HYOU1: variants seen among roughly 807,000 people sequenced by gnomAD.
HYOU1 encodes the protein hypoxia up-regulated 1.
A neutral mutation model predicts 120.5 loss-of-function variants in HYOU1; 40 were observed. The ratio of observed to expected loss-of-function variants is 0.33; its 90% CI spans 0.26 to 0.43. The LOEUF (loss-of-function observed/expected upper bound fraction) is 0.43. Ranked by LOEUF, HYOU1 falls within the 20% of genes least tolerant of loss-of-function variation. The pLI, the probability that HYOU1 is intolerant of heterozygous loss-of-function variation, is 1.00. For missense variants in HYOU1, 1,085 were observed against 1,278.3 expected, an observed-to-expected ratio of 0.85 and a Z score of 2.31; for synonymous variants, 501 against 479.4, an observed-to-expected ratio of 1.05 and a Z score of -0.59.
intron 22 of HYOU1, chr11:119,047,032 C>T: frequency 1.9e-6 from 1 of 538,958 alleles, no homozygotes. Flanking sequence ...TCTGGAGTGA[C>T]TACAACTGAA....
intron 16 of HYOU1, 48 bp from the exon 17 acceptor site, chr11:119,049,251 C>G (rs2133571110): frequency 1.3e-6 from 2 of 1,590,134 alleles, no homozygotes; most frequent in African/African-American, 1.3e-5. Flanking sequence ...AGCAGAGCCT[C>G]CAGGCAGGCC....
At chr11:119,054,415 C>A in intron 7 of HYOU1, 79 bp downstream of exon 7, 1 of 1,469,408 alleles carries the variant, frequency 6.8e-7, no homozygotes, top group South Asian at 1.2e-5. Flanking sequence ...CCATGCAAAC[C>A]AGATGCAAAA....
chr11:119,044,914 G>T lies in HYOU1; in HGVS notation c.*679C>A. 3.1e-6 allele frequency: 1 copy of T among 322,650 alleles called. No homozygotes were observed. The highest frequency in any genetic ancestry group is 3.5e-5 in the Admixed American group (1 of 28,190). 20.0% of individuals were successfully genotyped at this position (322,650 alleles called of 1,614,324 possible). On this transcript the variant is annotated 3_prime_UTR_variant, in exon 26 of 26. Coordinates refer to ENST00000617285, the MANE Select transcript of HYOU1 (RefSeq NM_006389.5). ...CCCCTCCCTCCTCTGGCCACTAGGG[G>T]TGGGAAATACGAGTGAGAATCCTTC...
At chr11:119,046,239 T>C (rs967305315) in intron 24 of HYOU1, among the ~76,000 whole-genome samples, 178 bp downstream of exon 24, 1 of 151,790 alleles carries the variant, frequency 6.6e-6, no homozygotes, top group Non-Finnish European at 1.5e-5. Context: ...CTGCTGGGAT[T>C]ACAGGCGTGA....
intron 7 of HYOU1, 94 bp from the exon 8 acceptor site, chr11:119,054,330 C>A (rs1356958336): frequency 1.6e-6 from 2 of 1,239,932 alleles, no homozygotes; most frequent in African/African-American, 1.5e-5. Flanking sequence ...CTGTCTGACT[C>A]TTAACACAAA....
At position 119,044,194 on chromosome 11, in the gene HYOU1, AAAG is replaced by A. The variant is rs1943945638; in HGVS notation, c.*1396_*1398del. On this transcript the variant is annotated 3_prime_UTR_variant, in exon 26 of 26. Coordinates refer to ENST00000617285, the MANE Select transcript of HYOU1 (RefSeq NM_006389.5). Reference sequence around the variant, plus strand: ...AAACTCACAGCACAAAAACTGTAGAAAAGAATATTTTATTGAAACAGTTTCTCA... The same window carrying A: ...AAACTCACAGCACAAAAACTGTAGAAAATATTTTATTGAAACAGTTTCTCA... 6.6e-6 allele frequency: 1 copy of A among 152,358 alleles called. No individual in the cohort carries two copies. Among genetic ancestry groups the A allele is most frequent in the Non-Finnish European group, 1.5e-5 (1 of 67,948 alleles). The allele number at this position is 152,358 out of a possible 1,614,324, so 9.4% of individuals were successfully genotyped here. A position where few individuals can be genotyped will look rare whatever the true frequency, so the allele number is the denominator to read the frequency against.
rs1018069294 is a variant in HYOU1 at position 119,046,485 on chromosome 11, G to T, written c.2837-18C>A. The T allele has an allele frequency of 1.2e-5, 19 of 1,614,046 alleles. No homozygotes were observed. Among genetic ancestry groups the T allele is most frequent in the African/African-American group, 2.7e-5 (2 of 74,912 alleles). On this transcript the variant is annotated intron_variant, in intron 23 of 25. Coordinates refer to ENST00000617285, the MANE Select transcript of HYOU1 (RefSeq NM_006389.5). ...AGTCTGGCCTAGAAGGAAACCAGGG[G>T]TAAGACATAGCCTCAGGAAGGAAAG...
rs1338221719 is a variant in HYOU1, at chr11:119,048,697, C to T, written c.2165+17G>A. The T allele has an allele frequency of 1.2e-6, 2 of 1,606,114 alleles. No homozygotes were observed. The highest frequency in any genetic ancestry group is 2.2e-5 in the East Asian group (1 of 44,832). ...TGCACACACATGTACACACACACAC[C>T]AGCTGTCCTCACTTACTTCTGCACC... On this transcript the variant is annotated intron_variant, in intron 18 of 25. Transcript: ENST00000617285. This position sits in a 1 kb window ranked among gnomAD's most constrained non-coding sequence, Gnocchi z 4.7.
chr11:119,047,383 C>T (rs1944149200), intron 22 of HYOU1: 3 of 274,966 alleles, frequency 1.1e-5, no homozygotes, highest in East Asian at 9.8e-5. Context: ...TTACTGAGCT[C>T]TGGCTCAAGA....
Position 119,051,285 on chromosome 11 carries a change from CAA to C in HYOU1, c.1527-114_1527-113del. On this transcript the variant is annotated intron_variant, in intron 13 of 25. Coordinates refer to ENST00000617285, the MANE Select transcript of HYOU1 (RefSeq NM_006389.5). This position sits in a 1 kb window ranked among gnomAD's most constrained non-coding sequence, Gnocchi z 4.2. ...CAGGGGCACTCCCCAAGGGCACACT[CAA>C]GAGGACGGATGCATTCTCCAGCGAA... The C allele has an allele frequency of 5.3e-6, 8 of 1,521,040 alleles. No homozygotes were observed. Among genetic ancestry groups the C allele is most frequent in the Non-Finnish European group, 7.2e-6 (8 of 1,112,182 alleles). The allele number at this position is 1,521,040 out of a possible 1,614,324, so 94.2% of individuals were successfully genotyped here. A position where few individuals can be genotyped will look rare whatever the true frequency, so the allele number is the denominator to read the frequency against.
Position 119,045,094 on chromosome 11 carries a change from GA to G in HYOU1, c.*498del, listed in dbSNP as rs1227019030. 1.1e-5 allele frequency: 5 copies of G among 452,352 alleles called. No individual in the cohort carries two copies. The highest frequency in any genetic ancestry group is 1.0e-4 in the African/African-American group (5 of 50,014). 28.0% of individuals were successfully genotyped at this position (452,352 alleles called of 1,614,324 possible). On this transcript the variant is annotated 3_prime_UTR_variant, in exon 26 of 26. Coordinates refer to ENST00000617285, the MANE Select transcript of HYOU1 (RefSeq NM_006389.5). ...GAGCAAGAGAAGCCCGCAGAGGGAG[GA>G]AAGAGCACAGATAGGCACTCAGAAA...
chr11:119,048,848 G>A lies in HYOU1; in HGVS notation c.2031C>T (p.Val677=), dbSNP rs2133567853. 9,560 of 1,613,000 alleles carry A rather than the reference G, an allele frequency of 5.9e-3. 30 individuals are homozygous for A. Among genetic ancestry groups the A allele is most frequent in the Non-Finnish European group, 7.2e-3 (8,477 of 1,179,530 alleles). The part of the protein sequence containing the change: ...SEKAEAGPEG[V]APAPEGEKKQ... Reference sequence around the variant, plus strand: ...TCTTCTCTCCCTCTGGGGCTGGAGCGACGCCCTCAGGCCCTGCCTCTGCCT... The same window carrying A: ...TCTTCTCTCCCTCTGGGGCTGGAGCAACGCCCTCAGGCCCTGCCTCTGCCT... Residue 677 remains valine, a synonymous_variant, in exon 18 of 26, where the codon GTC becomes GTT. Transcript: ENST00000617285. This position sits in a 1 kb window ranked among gnomAD's most constrained non-coding sequence, Gnocchi z 4.7.
chr11:119,055,839 T>G lies in HYOU1; in HGVS notation c.96A>C (p.Thr32=). The part of the protein sequence containing the change: ...LLADLLALSD[T]LAVMSVDLGS... ...CCAGGTCCACAGACATCACTGCCAG[T>G]GTATCTGAAGGGAAAAGAGGTTTGT... is the stretch of plus-strand genomic sequence containing the variant. The change falls in exon 3 of 26, where the codon ACA becomes ACC. Residue 32 remains threonine, a synonymous_variant. Coordinates refer to ENST00000617285, the MANE Select transcript of HYOU1 (RefSeq NM_006389.5). This position sits in a 1 kb window ranked among gnomAD's most constrained non-coding sequence, Gnocchi z 4.0. The G allele has an allele frequency of 6.2e-7, 1 of 1,613,820 alleles. No homozygotes were observed. The highest frequency in any genetic ancestry group is 8.5e-7 in the Non-Finnish European group (1 of 1,179,696).
At position 119,052,012 on chromosome 11, in the gene HYOU1, C is replaced by G; in HGVS notation, c.1206-61G>C. The G allele has an allele frequency of 1.2e-6, 2 of 1,613,390 alleles. No homozygotes were observed. Among genetic ancestry groups the G allele is most frequent in the Non-Finnish European group, 8.5e-7 (1 of 1,179,394 alleles). ...GGAGCATGCAACCGGGACTTCCCTC[C>G]CCTCAGCCCTCCAGCTGCTCAGCCC... On this transcript the variant is annotated intron_variant, in intron 11 of 25. Coordinates refer to ENST00000617285, the MANE Select transcript of HYOU1 (RefSeq NM_006389.5). The surrounding 1 kb of genome is among the most constrained non-coding windows in gnomAD (Gnocchi z 5.0).
At position 119,051,439 on chromosome 11, in the gene HYOU1, G is replaced by A. The variant is rs2133585012; in HGVS notation, c.1525C>T (p.Arg509Trp). The change falls in exon 13 of 26, where the codon CGG becomes TGG. Residue 509 changes from arginine to tryptophan, a missense_variant and splice_region_variant. Arg to Trp is a moderately radical substitution (Grantham distance 101). This residue lies in a region of HYOU1 where 515 missense variants were observed against 677.8 expected (regional missense o/e 0.76). Coordinates refer to ENST00000617285, the MANE Select transcript of HYOU1 (RefSeq NM_006389.5). This position sits in a 1 kb window ranked among gnomAD's most constrained non-coding sequence, Gnocchi z 4.2. The stretch of plus-strand genomic sequence containing the variant: ...CCATCCTACACCCCTGCCCCTCACC[G>A]AAGATCTTCAGGCCCCAGGAAGCCC... The part of the protein sequence containing the change: ...DLGFLGPEDL[R>W]VFGSQNLTTV... The A allele has an allele frequency of 5.0e-6, 8 of 1,613,872 alleles. No individual in the cohort carries two copies. Among genetic ancestry groups the A allele is most frequent in the East Asian group, 4.5e-5 (2 of 44,876 alleles).
chr11:119,056,712 C>T (rs1452553427), intron 1 of HYOU1: 4 of 262,238 alleles, frequency 1.5e-5, no homozygotes, highest in Non-Finnish European at 3.0e-5. Flanking sequence ...CAGCTCACTC[C>T]CCGGCCCCGC....
In HYOU1 at chr11:119,046,677, A is replaced by G. The variant is rs2133552264; in HGVS notation, c.2721T>C (p.Asn907=). ...GCCGGGGCTTGGTAAACTTGGCCTT[A>G]TTGAGCAGATACTGCACCTCTCGGT... is the stretch of plus-strand genomic sequence containing the variant. ...ALDREVQYLL[N]KAKFTKPRPR... Residue 907 remains asparagine, a synonymous_variant, in exon 23 of 26, where the codon AAT becomes AAC. Transcript: ENST00000617285. The G allele has an allele frequency of 1.2e-5, 20 of 1,614,040 alleles. No homozygotes were observed. The highest frequency in any genetic ancestry group is 1.7e-5 in the Non-Finnish European group (20 of 1,180,034).
rs1393671818 is a variant in HYOU1, at chr11:119,045,069, G to C, written c.*524C>G. ...GATGGGAATGGGGAAGGGAGGCTCAGAGCAAGAGAAGCCCGCAGAGGGAGG... is the reference window on the plus strand; with the variant it reads ...GATGGGAATGGGGAAGGGAGGCTCACAGCAAGAGAAGCCCGCAGAGGGAGG... On this transcript the variant is annotated 3_prime_UTR_variant, in exon 26 of 26. Transcript: ENST00000617285. The C allele has an allele frequency of 2.2e-6, 1 of 448,362 alleles. No homozygotes were observed. The highest frequency in any genetic ancestry group is 2.4e-5 in the Admixed American group (1 of 42,440). 27.8% of individuals were successfully genotyped at this position (448,362 alleles called of 1,614,324 possible).
At chr11:119,053,179 G>A (rs1944548974) in intron 8 of HYOU1, 1 of 233,138 alleles carries the variant, frequency 4.3e-6, no homozygotes, top group Non-Finnish European at 8.4e-6. Context: ...ATGTTGTAAA[G>A]GTGAGGGGAC....
Sources: allele counts gnomAD v4.1 joint callset (sites outside exome capture counted in the v4.1 genomes callset), GRCh38; gene constraint gnomAD v4.1.1; regional missense constraint gnomAD v4.1.1; non-coding constraint Gnocchi (gnomAD v3.1); transcripts MANE v1.5; gene names NCBI Gene and HGNC (gene_info 2026-07-23, HGNC 2026-07-21).